Variants in COMP observed in about 807,000 individuals in gnomAD.
The protein encoded by COMP is cartilage oligomeric matrix protein, also known as cartilage oligomeric matrix protein (pseudoachondroplasia, epiphyseal dysplasia 1, multiple).
Under a neutral mutation model 95.8 loss-of-function variants are expected in COMP, and 79 were observed. That is an observed-to-expected ratio of 0.82 (90% CI 0.69 to 0.99). The LOEUF (loss-of-function observed/expected upper bound fraction) is 0.99. Ranked by LOEUF, COMP falls within the 50% of genes least tolerant of loss-of-function variation. The pLI is 0.00. For missense variants in COMP, 906 were observed against 1,076.1 expected (o/e 0.84, Z 2.21); for synonymous variants, 438 against 433.9 (o/e 1.01, Z -0.12).
chr19:18,789,313 C>G lies in COMP; in HGVS notation c.391-16G>C. The G allele has an allele frequency of 6.8e-7, 1 of 1,471,436 alleles. No homozygotes were observed. Among genetic ancestry groups the G allele is most frequent in the Non-Finnish European group, 9.0e-7 (1 of 1,113,184 alleles). 91.1% of individuals were successfully genotyped at this position (1,471,436 alleles called of 1,614,324 possible). On this transcript the variant is annotated splice_polypyrimidine_tract_variant and intron_variant, in intron 4 of 18. Coordinates refer to ENST00000222271, the MANE Select transcript of COMP (RefSeq NM_000095.3). This position sits in a 1 kb window ranked among gnomAD's most constrained non-coding sequence, Gnocchi z 6.1. ...GGGCGTTGCACTGGGGGAGGAGGGG[C>G]CACAGAGGGTCAGAGGGCTTCGAGC...
Position 18,787,477 on chromosome 19 carries a change from C to A in COMP, c.1135+14G>T. The A allele has an allele frequency of 6.2e-7, 1 of 1,610,606 alleles. No individual in the cohort carries two copies. The highest frequency in any genetic ancestry group is 1.1e-5 in the South Asian group (1 of 91,040). ...CGCCGCCTCTCCTCGCCCCCCAACC[C>A]CCATCGAGCTCACGGTCGCCGTCGA... On this transcript the variant is annotated intron_variant, in intron 10 of 18. Coordinates refer to ENST00000222271, the MANE Select transcript of COMP (RefSeq NM_000095.3).
At chr19:18,787,864 C>CTTTTTCTTTCTCTT (rs56093208) in intron 9 of COMP, among the ~76,000 whole-genome samples, 6 of 108,894 alleles carry the variant, frequency 5.5e-5, no homozygotes, top group African/African-American at 1.4e-4. Context: ...TTTTCTTTTT[C>CTTTTTCTTTCTCTT]TCTTTCTTTC....
Position 18,785,677 on chromosome 19 carries a change from T to C in COMP, c.1664A>G (p.Asn555Ser), listed in dbSNP as rs1317559224. ...CCACGTGGACCCCGCTCCCACCTGG[T>C]TGAGCACCACCCAGTTGGGGTCAAT... ...AQIDPNWVVLNQGREIVQTMN... is the reference protein window; with the variant it reads ...AQIDPNWVVLSQGREIVQTMN... The change falls in exon 14 of 19, where the codon AAC (asparagine) becomes AGC (serine). Residue 555 changes from asparagine (N) to serine (S), a missense_variant. Asn to Ser is a conservative substitution (Grantham distance 46). Coordinates refer to ENST00000222271, the MANE Select transcript of COMP (RefSeq NM_000095.3). 9 of 1,613,188 alleles carry C rather than the reference T, an allele frequency of 5.6e-6. No homozygotes were observed. Among genetic ancestry groups the C allele is most frequent in the Non-Finnish European group, 7.6e-6 (9 of 1,180,000 alleles).
chr19:18,786,797 CAG>C, intron 10 of COMP, 147 bp from the exon 11 acceptor site: 1 of 510,456 alleles, frequency 2.0e-6, no homozygotes, highest in Non-Finnish European at 3.2e-6. Context: ...TTTTTTGAGA[CAG>C]TCTCATTGTG....
chr19:18,785,064 G>A lies in COMP; in HGVS notation c.1746C>T (p.Phe582=). The change falls in exon 16 of 19, where the codon TTC becomes TTT. Residue 582 remains phenylalanine, a synonymous_variant. Transcript: ENST00000222271. ...CCGTGTTCACATGGAACGTGCCCTCGAAGTCCACGCCATTGAAGGCAGTGT... is the reference window on the plus strand; with the variant it reads ...CCGTGTTCACATGGAACGTGCCCTCAAAGTCCACGCCATTGAAGGCAGTGT... ...VGYTAFNGVD[F]EGTFHVNTVT... The A allele has an allele frequency of 5.0e-6, 8 of 1,614,008 alleles. No individual in the cohort carries two copies. Among genetic ancestry groups the A allele is most frequent in the Non-Finnish European group, 6.8e-6 (8 of 1,179,998 alleles).
rs1444151131 is a variant in COMP, at chr19:18,789,279, A to C, written c.409T>G (p.Phe137Val). The change falls in exon 5 of 19, where the codon TTC becomes GTC. Residue 137 changes from phenylalanine (F) to valine (V), a missense_variant. By Grantham distance (50) the Phe-to-Val change is conservative. Transcript: ENST00000222271. The surrounding 1 kb of genome is among the most constrained non-coding windows in gnomAD (Gnocchi z 6.1). ...GTGTTGATACAGCGGACTCGGGGGA[A>C]GCAGGGGTGGGCGTTGCACTGGGGG... ...DVNECNAHPC[F>V]PRVRCINTSP... 2 of 1,500,944 alleles carry C rather than the reference A, an allele frequency of 1.3e-6. No homozygotes were observed. The highest frequency in any genetic ancestry group is 1.8e-4 in the Middle Eastern group (1 of 5,522). The allele number at this position is 1,500,944 out of a possible 1,614,324, so 93.0% of individuals were successfully genotyped here.
chr19:18,786,628 G>T lies in COMP; in HGVS notation c.1158C>A (p.Asn386Lys). Residue 386 changes from asparagine (N) to lysine (K), a missense_variant, in exon 11 of 19, where the codon AAC becomes AAA. Transcript: ENST00000222271. The stretch of plus-strand genomic sequence containing the variant: ...GGTCTGAGTTGGGTACCCTAGGGCA[G>T]TTGTCGGCCTGGTTGCGGATCCCTG... ...DGDRIRNQAD[N>K]CPRVPNSDQK... 6.2e-7 allele frequency: 1 copy of T among 1,614,108 alleles called. No homozygotes were observed. The highest frequency in any genetic ancestry group is 8.5e-7 in the Non-Finnish European group (1 of 1,179,998).
Position 18,783,181 on chromosome 19 carries a change from A to G in COMP, c.2100T>C (p.Tyr700=). Residue 700 remains tyrosine, a synonymous_variant, in exon 18 of 19, where the codon TAT becomes TAC. Coordinates refer to ENST00000222271, the MANE Select transcript of COMP (RefSeq NM_000095.3). ...TGTCGGCCACCAGCTCAGGGCCCTC[A>G]TAGAATCGCACCCTGAGGGTCAGAC... ...PQVGYIRVRF[Y]EGPELVADSN... 1.2e-6 allele frequency: 2 copies of G among 1,608,224 alleles called. No homozygotes were observed. The highest frequency in any genetic ancestry group is 1.7e-6 in the Non-Finnish European group (2 of 1,179,978).
Position 18,789,166 on chromosome 19 carries a change from GT to G in COMP, c.521del (p.Asn174ThrfsTer72). 1 of 1,581,344 alleles carries G rather than the reference GT, an allele frequency of 6.3e-7. No individual in the cohort carries two copies. The highest frequency in any genetic ancestry group is 8.6e-7 in the Non-Finnish European group (1 of 1,168,066). Reference sequence around the variant, plus strand: ...GGGCCCCCACACCTCTCACCTGCTTGTTGGCCTTGGCGAAAGCCAGCCCCAC... The same window carrying G: ...GGGCCCCCACACCTCTCACCTGCTTGTGGCCTTGGCGAAAGCCAGCCCCAC... ...QGVGLAFAKA[N>X]KQVCTDINEC... On this transcript the variant is annotated frameshift_variant, in exon 5 of 19. Transcript: ENST00000222271. LOFTEE classifies it high-confidence loss of function. The surrounding 1 kb of genome is among the most constrained non-coding windows in gnomAD (Gnocchi z 6.1).
At chr19:18,786,785 T>C (rs2055171212) in intron 10 of COMP, 135 bp from the exon 11 acceptor site, 1 of 539,164 alleles carries the variant, frequency 1.9e-6, no homozygotes, top group Non-Finnish European at 3.2e-6. Flanking sequence ...TTTTTTTTTT[T>C]TTTTTTTGAG....
In COMP at chr19:18,786,568, G is replaced by A. The variant is rs1427078892; in HGVS notation, c.1218C>T (p.Ala406=). ...KDSDGDGIGD[A]CDNCPQKSNP... Reference sequence around the variant, plus strand: ...TGCTCTTCTGGGGACAGTTGTCACAGGCATCCCCTATACCATCGCCATCAC... The same window carrying A: ...TGCTCTTCTGGGGACAGTTGTCACAAGCATCCCCTATACCATCGCCATCAC... Residue 406 remains alanine (A), a synonymous_variant, in exon 11 of 19, where the codon GCC becomes GCT. Transcript: ENST00000222271. 1.9e-6 allele frequency: 3 copies of A among 1,614,104 alleles called. No individual in the cohort carries two copies. Among genetic ancestry groups the A allele is most frequent in the East Asian group, 2.2e-5 (1 of 44,864 alleles).
chr19:18,785,514 G>T lies in COMP; in HGVS notation c.1701C>A (p.Asp567Glu). The T allele has an allele frequency of 1.2e-6, 2 of 1,613,872 alleles. No homozygotes were observed. Among genetic ancestry groups the T allele is most frequent in the Non-Finnish European group, 1.7e-6 (2 of 1,180,026 alleles). Residue 567 changes from aspartate to glutamate, a missense_variant, in exon 15 of 19, where the codon GAC (aspartate) becomes GAA (glutamate). Physicochemically the swap from Asp to Glu is conservative, Grantham distance 45 (BLOSUM62 2). Transcript: ENST00000222271. ...GCTTCTCACCCACAGCCAGGCCTGG[G>T]TCGCTGTTCATTGTCTGCACGATCT... ...GREIVQTMNS[D>E]PGLAVGYTAF...
Position 18,784,893 on chromosome 19 carries a change from C to A in COMP, c.1914+3G>T. 6.2e-7 allele frequency: 1 copy of A among 1,613,698 alleles called. No individual in the cohort carries two copies. The highest frequency in any genetic ancestry group is 2.2e-5 in the East Asian group (1 of 44,872). On this transcript the variant is annotated splice_donor_region_variant and intron_variant, in intron 16 of 18. Coordinates refer to ENST00000222271, the MANE Select transcript of COMP (RefSeq NM_000095.3). This position sits in a 1 kb window ranked among gnomAD's most constrained non-coding sequence, Gnocchi z 4.9. ...AGAGGTCAGGCACGGACGGCCCTGG[C>A]ACCTTGAGTTGGATGCCAGGCTCGG...
At chr19:18,790,467 C>A in intron 3 of COMP, 95 bp downstream of exon 3, 1 of 1,521,316 alleles carries the variant, frequency 6.6e-7, no homozygotes, top group Non-Finnish European at 9.1e-7. Flanking sequence ...CTCCTTCCGT[C>A]TCTTTTCCTC....
In COMP at chr19:18,789,188, C is replaced by T. The variant is rs763887855; in HGVS notation, c.500G>A (p.Gly167Glu). Residue 167 changes from glycine (G) to glutamate (E), a missense_variant, in exon 5 of 19, where the codon GGG (glycine) becomes GAG (glutamate). Gly to Glu is a moderately conservative substitution (Grantham distance 98, BLOSUM62 -2). Transcript: ENST00000222271. The surrounding 1 kb of genome is among the most constrained non-coding windows in gnomAD (Gnocchi z 6.1). ...CTTGTTGGCCTTGGCGAAAGCCAGC[C>T]CCACGCCCTGGTGGGTGGGGCCGCT... ...GYSGPTHQGV[G>E]LAFAKANKQV... The T allele has an allele frequency of 3.2e-6, 5 of 1,574,438 alleles. No homozygotes were observed. Among genetic ancestry groups the T allele is most frequent in the South Asian group, 1.2e-5 (1 of 84,514 alleles).
Position 18,788,320 on chromosome 19 carries a change from C to T in COMP, c.868-1G>A. 2 of 1,610,926 alleles carry T rather than the reference C, an allele frequency of 1.2e-6. No homozygotes were observed. Among genetic ancestry groups the T allele is most frequent in the East Asian group, 4.5e-5 (2 of 44,856 alleles). ...AGTTGGGCACAGTCACGCAGTTGTC[C>T]TGGGGGCGGGCACAGAAGGTGTGAG... On this transcript the variant is annotated splice_acceptor_variant, in intron 8 of 18. Coordinates refer to ENST00000222271, the MANE Select transcript of COMP (RefSeq NM_000095.3). LOFTEE classifies it high-confidence loss of function. This position sits in a 1 kb window ranked among gnomAD's most constrained non-coding sequence, Gnocchi z 4.7.
chr19:18,786,847 A>G, intron 10 of COMP, 197 bp from the exon 11 acceptor site: 1 of 487,872 alleles, frequency 2.0e-6, no homozygotes, highest in South Asian at 2.1e-5. Flanking sequence ...ATCTCGGCTC[A>G]CTGCAACTTC....
Position 18,786,296 on chromosome 19 carries a change from G to A in COMP, c.1255-5C>T, listed in dbSNP as rs201124517. 7.6e-5 allele frequency: 123 copies of A among 1,613,926 alleles called. No homozygotes were observed. In the East Asian group the frequency reaches 2.5e-3, roughly 33 times the overall value. ...AAAGTCGTGGTCCACATCCGCCTGC[G>A]GAGGGCAGCATGCGGGGGTCCATAA... is the stretch of plus-strand genomic sequence containing the variant. On this transcript the variant is annotated splice_region_variant and splice_polypyrimidine_tract_variant and intron_variant, in intron 11 of 18. Coordinates refer to ENST00000222271, the MANE Select transcript of COMP (RefSeq NM_000095.3).
Position 18,789,839 on chromosome 19 carries a change from C to G in COMP, c.390+103G>C. The stretch of plus-strand genomic sequence containing the variant: ...GCGCCCCCGGAGGTGAGAGGCTCTT[C>G]GGGGCGAACACTCCCAGTGGAGGAA... On this transcript the variant is annotated intron_variant, in intron 4 of 18. Transcript: ENST00000222271. This position sits in a 1 kb window ranked among gnomAD's most constrained non-coding sequence, Gnocchi z 6.1. The G allele has an allele frequency of 2.8e-6, 4 of 1,406,708 alleles. No homozygotes were observed. Among genetic ancestry groups the G allele is most frequent in the Non-Finnish European group, 2.9e-6 (3 of 1,026,088 alleles). The allele number at this position is 1,406,708 out of a possible 1,614,324, so 87.1% of individuals were successfully genotyped here.
Sources: allele counts gnomAD v4.1 joint callset (sites outside exome capture counted in the v4.1 genomes callset), GRCh38; gene constraint gnomAD v4.1.1; non-coding constraint Gnocchi (gnomAD v3.1); transcripts MANE v1.5; gene names NCBI Gene and HGNC (gene_info 2026-07-23, HGNC 2026-07-21).